The following FRAS1 variants were observed in gnomAD, a reference collection of about 807,000 sequenced individuals.
The protein encoded by FRAS1 is Fraser extracellular matrix complex subunit 1, also known as extracellular matrix organizing protein FRAS1.
In FRAS1, 290 loss-of-function variants were observed where a neutral mutation model predicts 435.2. The ratio of observed to expected loss-of-function variants is 0.67; its 90% confidence interval spans 0.61 to 0.73. The LOEUF is 0.73. Ranked by LOEUF, FRAS1 falls within the 30% of genes least tolerant of loss-of-function variation. The pLI, the probability that FRAS1 is intolerant of heterozygous loss-of-function variation, is 0.00. For missense variants in FRAS1, 4,860 were observed against 5,001.5 expected (o/e 0.97, Z 0.85); for synonymous variants, 1,800 against 1,851.0 (o/e 0.97, Z 0.71).
At chr4:78,325,755 T>C (rs1270865237) in intron 18 of FRAS1, among the ~76,000 whole-genome samples, 2 of 152,144 alleles carry the variant, frequency 1.3e-5, no homozygotes, top group African/African-American at 2.4e-5. Flanking sequence ...ATAGCAGTAG[T>C]CACAAGGGAC....
In FRAS1 at chr4:78,375,690, G is replaced by A. The variant is rs755346499; in HGVS notation, c.3152-49G>A. The A allele has an allele frequency of 4.8e-5, 72 of 1,489,386 alleles. No individual in the cohort carries two copies. The South Asian group carries it at 5.1e-4, about 11-fold the overall frequency. The allele number at this position is 1,489,386 out of a possible 1,614,324, so 92.3% of individuals were successfully genotyped here. A position where few individuals can be genotyped will look rare whatever the true frequency, so the allele number is the denominator to read the frequency against. On this transcript the variant is annotated intron_variant, in intron 25 of 73. Coordinates refer to ENST00000512123, the MANE Select transcript of FRAS1 (RefSeq NM_025074.7). ...GTTGCAAGCCCTTTATTTCTTTGTC[G>A]CTGGTGTTGCCTTGATTGAGCCTCA...
intron 28 of FRAS1, among the ~76,000 whole-genome samples, chr4:78,385,913 G>T (rs1229579498): frequency 6.6e-6 from 1 of 151,264 alleles, no homozygotes; most frequent in Non-Finnish European, 1.5e-5. Context: ...TGAAACAGGT[G>T]ATCTCTGTAA....
chr4:78,438,682 A>G lies in FRAS1; in HGVS notation c.5330A>G (p.Asn1777Ser), dbSNP rs746241232. 7.5e-6 allele frequency: 12 copies of G among 1,610,378 alleles called. No homozygotes were observed. Among genetic ancestry groups the G allele is most frequent in the African/African-American group, 5.3e-5 (4 of 74,902 alleles). ...SEVEELSEVS[N>S]FTMEDINNKK... is the part of the protein sequence containing the mutation. The stretch of plus-strand genomic sequence containing the variant: ...GTGGAAGAGCTCTCAGAAGTTTCCA[A>G]TTTCACAATGGAAGACATCAATAAC... The change falls in exon 39 of 74, where the codon AAT becomes AGT. Residue 1777 changes from asparagine to serine, a missense_variant. Coordinates refer to ENST00000512123, the MANE Select transcript of FRAS1 (RefSeq NM_025074.7).
rs1220422311 is a variant in FRAS1, at chr4:78,450,210, C to T, written c.6334C>T (p.His2112Tyr). ...AGTGACAGATATTGACTCAGATGAC[C>T]ATCAGGTTATGTACATCATGAAGGA... ...LKVTDIDSDD[H>Y]QVMYIMKEDP... Residue 2112 changes from histidine to tyrosine, a missense_variant, in exon 45 of 74, where the codon CAT becomes TAT. Transcript: ENST00000512123. The T allele has an allele frequency of 6.2e-7, 1 of 1,613,722 alleles. No homozygotes were observed. Among genetic ancestry groups the T allele is most frequent in the Non-Finnish European group, 8.5e-7 (1 of 1,179,724 alleles).
At chr4:78,231,627 A>G (rs1395463639) in intron 2 of FRAS1, among the ~76,000 whole-genome samples, 5 of 152,146 alleles carry the variant, frequency 3.3e-5, no homozygotes, top group African/African-American at 1.2e-4. Flanking sequence ...TAGATGAAAG[A>G]AAATTTATGT....
chr4:78,289,117 G>A (rs1469517406), intron 14 of FRAS1, among the ~76,000 whole-genome samples: 2 of 152,046 alleles, frequency 1.3e-5, no homozygotes, highest in East Asian at 3.9e-4. Context: ...TGAATAAAGG[G>A]CAGAGTTGAA....
chr4:78,439,261 C>A (rs903966675), intron 40 of FRAS1, among the ~76,000 whole-genome samples, 197 bp downstream of exon 40: 4 of 152,234 alleles, frequency 2.6e-5, no homozygotes, highest in Admixed American at 1.3e-4. Flanking sequence ...AAGATCAAAT[C>A]ATTATATCTG....
chr4:78,208,498 G>A (rs1438706828), intron 2 of FRAS1, among the ~76,000 whole-genome samples: 2 of 152,158 alleles, frequency 1.3e-5, no homozygotes, highest in Admixed American at 1.3e-4. Context: ...GGAGGCAACA[G>A]AGAAAGGTGA....
chr4:78,407,665 G>A lies in FRAS1; in HGVS notation c.4132G>A (p.Glu1378Lys). 1.9e-6 allele frequency: 3 copies of A among 1,611,096 alleles called. No individual in the cohort carries two copies. The highest frequency in any genetic ancestry group is 2.5e-6 in the Non-Finnish European group (3 of 1,178,600). Residue 1378 changes from glutamate (E) to lysine (K), a missense_variant and splice_region_variant, in exon 31 of 74, where the codon GAG becomes AAG. Coordinates refer to ENST00000512123, the MANE Select transcript of FRAS1 (RefSeq NM_025074.7). ...KITQDYPQFG[E>K]VVLLVNMPAD... ...CTATGTGGCCTGTGCCTTCCTAGGG[G>A]AGGTGGTCCTTCTAGTGAATATGCC...
At chr4:78,382,181 C>T (rs1732047793) in intron 27 of FRAS1, among the ~76,000 whole-genome samples, 1 of 152,100 alleles carries the variant, frequency 6.6e-6, no homozygotes, top group Non-Finnish European at 1.5e-5. Context: ...GTTATTGGAA[C>T]CTCAGTGCCA....
rs370186258 is a variant in FRAS1, at chr4:78,489,117, C to A, written c.8958+37C>A. 15 of 1,567,556 alleles carry A rather than the reference C, an allele frequency of 9.6e-6. No homozygotes were observed. In the South Asian group the frequency reaches 1.2e-4, roughly 13 times the overall value. ...GGTGGTGGCTGAAAGATGAGATTCT[C>A]TTATTGTCTTTATTTGTCTGTAATG... On this transcript the variant is annotated intron_variant, in intron 59 of 73. Transcript: ENST00000512123.
At chr4:78,157,341 A>G (rs1328161414) in intron 2 of FRAS1, among the ~76,000 whole-genome samples, 2 of 152,230 alleles carry the variant, frequency 1.3e-5, no homozygotes, top group African/African-American at 4.8e-5. Context: ...GGGTATATGC[A>G]GTAATGGGAT....
intron 14 of FRAS1, among the ~76,000 whole-genome samples, chr4:78,291,455 C>T (rs1384628691): frequency 6.6e-6 from 1 of 152,154 alleles, no homozygotes; most frequent in Non-Finnish European, 1.5e-5. Flanking sequence ...CACTGCTTGC[C>T]TCCTGTTGTG....
intron 47 of FRAS1, among the ~76,000 whole-genome samples, chr4:78,458,752 C>T (rs888998593): frequency 6.6e-6 from 1 of 152,158 alleles, no homozygotes; most frequent in Non-Finnish European, 1.5e-5. Flanking sequence ...CACCACCCCA[C>T]CTCTGCACAG....
chr4:78,478,902 A>G (rs1719929973), intron 55 of FRAS1, among the ~76,000 whole-genome samples: 1 of 152,216 alleles, frequency 6.6e-6, no homozygotes, highest in Non-Finnish European at 1.5e-5. Flanking sequence ...AGTCATTTGT[A>G]TACAGTGGCA....
intron 2 of FRAS1, among the ~76,000 whole-genome samples, chr4:78,201,407 G>A (rs1040325486): frequency 5.3e-5 from 8 of 152,184 alleles, no homozygotes; most frequent in Non-Finnish European, 8.8e-5. Context: ...AGAGGAACTC[G>A]AAACTTTAGC....
chr4:78,523,814 C>A (rs182241885), intron 69 of FRAS1, among the ~76,000 whole-genome samples: 2 of 152,160 alleles, frequency 1.3e-5, no homozygotes, highest in Non-Finnish European at 2.9e-5. Context: ...ATCTTCATTG[C>A]CACTTGGATG....
At chr4:78,480,071 G>T (rs1719966077) in intron 56 of FRAS1, among the ~76,000 whole-genome samples, 1 of 152,162 alleles carries the variant, frequency 6.6e-6, no homozygotes, top group Non-Finnish European at 1.5e-5. Flanking sequence ...TTTATCCTTT[G>T]TGTTATGTAC....
chr4:78,476,129 G>GTA (rs1470789502), intron 54 of FRAS1, among the ~76,000 whole-genome samples: 2 of 152,208 alleles, frequency 1.3e-5, no homozygotes, highest in Non-Finnish European at 2.9e-5. Flanking sequence ...AAAGATGGAT[G>GTA]ATGATGCCTC....
Sources: allele counts gnomAD v4.1 joint callset (sites outside exome capture counted in the v4.1 genomes callset), GRCh38; gene constraint gnomAD v4.1.1; transcripts MANE v1.5; gene names NCBI Gene and HGNC (gene_info 2026-07-23, HGNC 2026-07-21).